The following ATP6V0C variants were observed in gnomAD, a reference collection of about 807,000 sequenced individuals.
ATP6V0C encodes ATPase H+ transporting V0 subunit c.
In ATP6V0C, 2 loss-of-function variants were observed where a neutral mutation model predicts 10.6. That is an observed-to-expected ratio of 0.19 (90% CI 0.08 to 0.59). The LOEUF is 0.59. ATP6V0C is among the 20% of genes least tolerant of loss of function. ATP6V0C has a pLI of 0.90. For missense variants in ATP6V0C, 89 were observed against 225.9 expected (o/e 0.39, Z 3.88); for synonymous variants, 128 against 101.3 (o/e 1.26, Z -1.59).
chr16:2,516,353 C>G (rs932402897), intron 1 of ATP6V0C, among the ~76,000 whole-genome samples: 1 of 152,168 alleles, frequency 6.6e-6, no homozygotes, highest in East Asian at 1.9e-4. Context: ...CTCAAACGAT[C>G]CACCTGCTTC....
In ATP6V0C at chr16:2,514,018, C is replaced by T. The variant is rs1279718003; in HGVS notation, c.-86C>T. The T allele has an allele frequency of 5.1e-5, 67 of 1,308,478 alleles. No homozygotes were observed. Among genetic ancestry groups the T allele is most frequent in the Non-Finnish European group, 6.5e-5 (62 of 954,836 alleles). 81.1% of individuals were successfully genotyped at this position (1,308,478 alleles called of 1,614,324 possible). ...CGGATCGCCTTCGCCGCCGCCCGCC[C>T]GCAAACCTTCGTGCCCGGCCCGTCC... On this transcript the variant is annotated 5_prime_UTR_variant, in exon 1 of 3. Coordinates refer to ENST00000330398, the MANE Select transcript of ATP6V0C (RefSeq NM_001694.4).
In ATP6V0C at chr16:2,513,993, CG is replaced by C; in HGVS notation, c.-109del. On this transcript the variant is annotated 5_prime_UTR_variant, in exon 1 of 3. Coordinates refer to ENST00000330398, the MANE Select transcript of ATP6V0C (RefSeq NM_001694.4). ...ATTTAGAGCGCAGCGGCTGACGGGC[CG>C]GATCGCCTTCGCCGCCGCCCGCCCG... is the stretch of plus-strand genomic sequence containing the variant. 1 of 957,962 alleles carries C rather than the reference CG, an allele frequency of 1.0e-6. No homozygotes were observed. The highest frequency in any genetic ancestry group is 1.5e-6 in the Non-Finnish European group (1 of 652,890). 59.3% of individuals were successfully genotyped at this position (957,962 alleles called of 1,614,324 possible).
At chr16:2,516,396 G>GC (rs1184600909) in intron 1 of ATP6V0C, among the ~76,000 whole-genome samples, 1 of 152,152 alleles carries the variant, frequency 6.6e-6, no homozygotes. Flanking sequence ...ATAGGCATGA[G>GC]CCACCATGAC....
intron 1 of ATP6V0C, 162 bp downstream of exon 1, chr16:2,514,344 C>T (rs2065866070): frequency 6.0e-6 from 4 of 668,322 alleles, no homozygotes; most frequent in East Asian, 7.6e-5. Context: ...GCCCCGAGGG[C>T]TGCGGGGAGC....
At chr16:2,519,008 G>A in intron 1 of ATP6V0C, 2 of 546,986 alleles carry the variant, frequency 3.7e-6, no homozygotes, top group Non-Finnish European at 6.4e-6. Context: ...TCACGTAGAG[G>A]AAGGAGGAGT....
At chr16:2,514,855 G>C (rs960494146) in intron 1 of ATP6V0C, among the ~76,000 whole-genome samples, 1 of 152,214 alleles carries the variant, frequency 6.6e-6, no homozygotes, top group East Asian at 1.9e-4. Flanking sequence ...CCGGGTGGGA[G>C]TGTGTGGAAG....
rs1236626356 is a variant in ATP6V0C, at chr16:2,519,755, G to A, written c.*10G>A. 8.8e-6 allele frequency: 14 copies of A among 1,587,672 alleles called. No individual in the cohort carries two copies. Among genetic ancestry groups the A allele is most frequent in the Non-Finnish European group, 1.2e-5 (14 of 1,161,246 alleles). On this transcript the variant is annotated 3_prime_UTR_variant, in exon 3 of 3. Coordinates refer to ENST00000330398, the MANE Select transcript of ATP6V0C (RefSeq NM_001694.4). ...CCTCTCCACAAAGTAGACCCTCTCC[G>A]AGCCCACCAGCCACAGAATATTATG...
At chr16:2,515,264 C>T (rs1258394832) in intron 1 of ATP6V0C, among the ~76,000 whole-genome samples, 2 of 152,214 alleles carry the variant, frequency 1.3e-5, no homozygotes, top group African/African-American at 4.8e-5. Flanking sequence ...GGCCCAGTCT[C>T]AGCCTCCGTG....
chr16:2,514,189 G>A lies in ATP6V0C; in HGVS notation c.79+7G>A, dbSNP rs757665436. 8.4e-6 allele frequency: 13 copies of A among 1,550,416 alleles called. No individual in the cohort carries two copies. The highest frequency in any genetic ancestry group is 1.9e-5 in the Admixed American group (1 of 52,786). On this transcript the variant is annotated splice_region_variant and intron_variant, in intron 1 of 2. Transcript: ENST00000330398. ...GCCGCCATGGTCTTCAGCGGTGAGC[G>A]CGGCGGCGGGAGGGACTCGGGGGCG...
rs988025306 is a variant in ATP6V0C, at chr16:2,514,201, G to A, written c.79+19G>A. ...TTCAGCGGTGAGCGCGGCGGCGGGA[G>A]GGACTCGGGGGCGGGGGCGCGCGCG... On this transcript the variant is annotated intron_variant, in intron 1 of 2. Transcript: ENST00000330398. The A allele has an allele frequency of 6.5e-6, 10 of 1,534,976 alleles. No homozygotes were observed. Among genetic ancestry groups the A allele is most frequent in the Non-Finnish European group, 8.8e-6 (10 of 1,140,358 alleles).
chr16:2,514,044 TCGCCCCCGCCTC>T lies in ATP6V0C; in HGVS notation c.-55_-44del, dbSNP rs2065863931. 2.7e-6 allele frequency: 4 copies of T among 1,475,250 alleles called. No individual in the cohort carries two copies. Among genetic ancestry groups the T allele is most frequent in the East Asian group, 2.7e-5 (1 of 37,076 alleles). The allele number at this position is 1,475,250 out of a possible 1,614,324, so 91.4% of individuals were successfully genotyped here. On this transcript the variant is annotated 5_prime_UTR_variant, in exon 1 of 3. Transcript: ENST00000330398. ...GCAAACCTTCGTGCCCGGCCCGTCCTCGCCCCCGCCTCCGCCACCGCCTCGGCCCGCAGAGCT... is the reference window on the plus strand; with the variant it reads ...GCAAACCTTCGTGCCCGGCCCGTCCTCGCCACCGCCTCGGCCCGCAGAGCT...
Position 2,520,166 on chromosome 16 carries a change from G to GC in ATP6V0C, c.*423dup. The GC allele has an allele frequency of 1.9e-6, 1 of 524,294 alleles. No individual in the cohort carries two copies. The highest frequency in any genetic ancestry group is 3.5e-6 in the Non-Finnish European group (1 of 282,482). The allele number at this position is 524,294 out of a possible 1,614,324, so 32.5% of individuals were successfully genotyped here. A position where few individuals can be genotyped will look rare whatever the true frequency, so the allele number is the denominator to read the frequency against. ...CTTCCTGGATGGAGCCGCCCTCACC[G>GC]CCGGGCCCGTGGCCCTGCGCGGAGC... is the stretch of plus-strand genomic sequence containing the variant. On this transcript the variant is annotated 3_prime_UTR_variant, in exon 3 of 3. Transcript: ENST00000330398.
rs1438709876 is a variant in ATP6V0C at position 2,519,853 on chromosome 16, G to A, written c.*108G>A. The A allele has an allele frequency of 7.1e-6, 10 of 1,412,570 alleles. No homozygotes were observed. The highest frequency in any genetic ancestry group is 9.9e-6 in the Non-Finnish European group (10 of 1,012,282). The allele number at this position is 1,412,570 out of a possible 1,614,324, so 87.5% of individuals were successfully genotyped here. A position where few individuals can be genotyped will look rare whatever the true frequency, so the allele number is the denominator to read the frequency against. ...CACGGGGCCGCCGCCCCCAGTAGTT[G>A]GTCTTGTACATGCGCAGTGTCCTAG... On this transcript the variant is annotated 3_prime_UTR_variant, in exon 3 of 3. Coordinates refer to ENST00000330398, the MANE Select transcript of ATP6V0C (RefSeq NM_001694.4).
intron 1 of ATP6V0C, among the ~76,000 whole-genome samples, chr16:2,515,475 C>T (rs1486043805): frequency 6.6e-6 from 1 of 152,182 alleles, no homozygotes; most frequent in East Asian, 1.9e-4. Context: ...TCTTGCGGGC[C>T]TCCTTCTGCC....
Position 2,519,727 on chromosome 16 carries a change from C to T in ATP6V0C, c.450C>T (p.Leu150=), listed in dbSNP as rs371275666. 4 of 1,606,916 alleles carry T rather than the reference C, an allele frequency of 2.5e-6. No individual in the cohort carries two copies. The African/African-American group carries it at 4.0e-5, about 16-fold the overall frequency. Residue 150 remains leucine, a synonymous_variant, in exon 3 of 3, where the codon CTC becomes CTT. Coordinates refer to ENST00000330398, the MANE Select transcript of ATP6V0C (RefSeq NM_001694.4). ...GCCTCTACGGTCTCATCGTCGCCCT[C>T]ATCCTCTCCACAAAGTAGACCCTCT... ...VLGLYGLIVA[L]ILSTK
intron 1 of ATP6V0C, among the ~76,000 whole-genome samples, chr16:2,515,404 C>G (rs1051238632): frequency 2.0e-5 from 3 of 152,238 alleles, no homozygotes; most frequent in African/African-American, 7.2e-5. Flanking sequence ...AGGGTTTGAA[C>G]TCCAAACAGT....
rs534776495 is a variant in ATP6V0C, at chr16:2,515,523, C to T, written c.79+1341C>T. Among the ~76,000 whole-genome samples, 5 of 152,264 alleles carry T rather than the reference C, an allele frequency of 3.3e-5. No individual in the cohort carries two copies. The South Asian group carries it at 1.0e-3, about 32-fold the overall frequency. On this transcript the variant is annotated intron_variant, in intron 1 of 2. Transcript: ENST00000330398. ...CCATTCGTGAGTGAGCCCTGGCCTT[C>T]CCGTCGTGTGCAAGTAAGGGGTCAT...
chr16:2,516,349 C>A (rs369088543), intron 1 of ATP6V0C, among the ~76,000 whole-genome samples: 4 of 152,126 alleles, frequency 2.6e-5, no homozygotes, highest in African/African-American at 4.8e-5. Flanking sequence ...TTGCCTCAAA[C>A]GATCCACCTG....
At chr16:2,513,912 C>T, upstream of ATP6V0C, 1 of 527,306 alleles carries the variant, frequency 1.9e-6, no homozygotes, top group Non-Finnish European at 3.3e-6. Flanking sequence ...CTCGCAGGGG[C>T]GGGGCCCAGG....
Sources: gnomAD v4.1 joint callset for allele counts (sites outside exome capture counted in the v4.1 genomes callset) on GRCh38, gnomAD v4.1.1 for gene constraint, MANE v1.5 for transcripts, NCBI Gene and HGNC (gene_info 2026-07-23, HGNC 2026-07-21) for gene names.